Variants in C14orf39 observed in about 807,000 individuals in gnomAD.
C14orf39 encodes protein SIX6OS1.
In C14orf39, 66 loss-of-function variants were observed where a neutral mutation model predicts 85.6. That is an observed-to-expected ratio of 0.77 (90% CI 0.63 to 0.95). The LOEUF (loss-of-function observed/expected upper bound fraction) is 0.95. C14orf39 is among the 40% of genes least tolerant of loss of function. The pLI is 0.00. For missense variants in C14orf39, 735 were observed against 663.9 expected, an observed-to-expected ratio of 1.11 and a Z score of -1.18; for synonymous variants, 242 against 214.0, an observed-to-expected ratio of 1.13 and a Z score of -1.14.
At chr14:60,502,086 A>G (rs1956555) in intron 1 of C14orf39, among the ~76,000 whole-genome samples, 125,900 of 152,184 alleles carry the variant, frequency 0.83, 53,576 homozygotes, top group Non-Finnish European at 0.92. Context: ...ATCTGCTTCT[A>G]TAAAGTTTAG....
At chr14:60,514,603 T>C (rs1893336301) in intron 1 of C14orf39, among the ~76,000 whole-genome samples, 1 of 152,082 alleles carries the variant, frequency 6.6e-6, no homozygotes, top group African/African-American at 2.4e-5. Context: ...CCAGTTTGTT[T>C]ATAAAAAATC....
chr14:60,490,653 A>G (rs966284726), upstream of C14orf39, among the ~76,000 whole-genome samples: 1 of 152,072 alleles, frequency 6.6e-6, no homozygotes, highest in Non-Finnish European at 1.5e-5. Flanking sequence ...AAAAAATTTT[A>G]AAAATGTTAC....
At chr14:60,469,998 T>TA (rs1230036312) in intron 7 of C14orf39, among the ~76,000 whole-genome samples, 1 of 138,082 alleles carries the variant, frequency 7.2e-6, no homozygotes, top group African/African-American at 2.6e-5. Context: ...TAATAAAACA[T>TA]AATTCAGGCC....
chr14:60,473,198 G>A (rs562448253), intron 5 of C14orf39, among the ~76,000 whole-genome samples: 1 of 152,278 alleles, frequency 6.6e-6, no homozygotes, highest in African/African-American at 2.4e-5. Flanking sequence ...CTGCATAAAT[G>A]TCTTCTTTTG....
chr14:60,465,741 T>G (rs1224330245), intron 11 of C14orf39, among the ~76,000 whole-genome samples: 1 of 151,982 alleles, frequency 6.6e-6, no homozygotes, highest in Non-Finnish European at 1.5e-5. Flanking sequence ...TTTCTATTAT[T>G]TTTAGGGATA....
chr14:60,451,483 A>C (rs1331909873), intron 16 of C14orf39, among the ~76,000 whole-genome samples: 1 of 152,198 alleles, frequency 6.6e-6, no homozygotes, highest in East Asian at 1.9e-4. Flanking sequence ...TGTGGCACAT[A>C]TACATCATGG....
At chr14:60,450,401 C>T (rs150455484) in intron 16 of C14orf39, among the ~76,000 whole-genome samples, 10 of 152,156 alleles carry the variant, frequency 6.6e-5, no homozygotes, top group East Asian at 3.9e-4. Context: ...AGCTGATGGT[C>T]GTGGGGGCCA....
At chr14:60,480,727 T>C (rs1347818150) in intron 4 of C14orf39, among the ~76,000 whole-genome samples, 1 of 152,062 alleles carries the variant, frequency 6.6e-6, no homozygotes, top group Non-Finnish European at 1.5e-5. Flanking sequence ...AGATGATGGA[T>C]AATGAAAGTG....
At position 60,456,977 on chromosome 14, in the gene C14orf39, G is replaced by A; in HGVS notation, c.1298C>T (p.Ala433Val). 1.2e-6 allele frequency: 2 copies of A among 1,611,062 alleles called. No homozygotes were observed. The highest frequency in any genetic ancestry group is 1.7e-6 in the Non-Finnish European group (2 of 1,178,500). ...EIPIFLGTPK[A>V]VKAPESLEKI... is the part of the protein sequence containing the mutation. ...CTCCAATGACTCAGGTGCTTTCACA[G>A]CTTTGGGAGTTCCTAAAAATATAGG... The change falls in exon 15 of 18, where the codon GCT becomes GTT. Residue 433 changes from alanine (A) to valine (V), a missense_variant. Transcript: ENST00000321731.
intron 2 of C14orf39, chr14:60,495,534 G>A (rs1002887198): frequency 1.2e-4 from 25 of 213,474 alleles, no homozygotes; most frequent in Admixed American, 6.9e-4. Flanking sequence ...ATTCATCTAT[G>A]GGGACAGGTA....
At chr14:60,481,571 A>T (rs1294842489) in intron 4 of C14orf39, among the ~76,000 whole-genome samples, 1 of 152,212 alleles carries the variant, frequency 6.6e-6, no homozygotes, top group Non-Finnish European at 1.5e-5. Flanking sequence ...ATACTACTGT[A>T]CACTCCTACA....
chr14:60,503,866 T>C (rs745445704), intron 1 of C14orf39, among the ~76,000 whole-genome samples: 1 of 152,238 alleles, frequency 6.6e-6, no homozygotes, highest in African/African-American at 2.4e-5. Flanking sequence ...CCTTTGTAAA[T>C]GCTTCAACTC....
At chr14:60,499,993 T>C (rs912073070) in intron 1 of C14orf39, among the ~76,000 whole-genome samples, 1 of 152,192 alleles carries the variant, frequency 6.6e-6, no homozygotes, top group Non-Finnish European at 1.5e-5. Flanking sequence ...AGAAGATTAA[T>C]GACCAGAGTG....
chr14:60,487,539 G>T (rs553218469), upstream of C14orf39, among the ~76,000 whole-genome samples: 6 of 151,526 alleles, frequency 4.0e-5, no homozygotes, highest in East Asian at 9.8e-4. Flanking sequence ...ACAAATGAAT[G>T]GATAGGTTGA....
chr14:60,471,763 GT>G, intron 5 of C14orf39, 24 bp from the exon 6 acceptor site: 1 of 1,363,314 alleles, frequency 7.3e-7, no homozygotes, highest in South Asian at 1.4e-5. Context: ...AAGAAATGAT[GT>G]TTATATAACA....
intron 17 of C14orf39, among the ~76,000 whole-genome samples, chr14:60,441,678 A>G (rs1890520505): frequency 6.6e-6 from 1 of 152,206 alleles, no homozygotes; most frequent in Non-Finnish European, 1.5e-5. Flanking sequence ...TTATATTAAT[A>G]TGTTGAATGA....
At chr14:60,443,976 T>C (rs1234747347) in intron 16 of C14orf39, among the ~76,000 whole-genome samples, 1 of 152,038 alleles carries the variant, frequency 6.6e-6, no homozygotes, top group Non-Finnish European at 1.5e-5. Flanking sequence ...GAAGGAAAAC[T>C]AACAAACAGA....
At chr14:60,440,264 AAT>A (rs1352273397) in intron 17 of C14orf39, among the ~76,000 whole-genome samples, 1 of 152,188 alleles carries the variant, frequency 6.6e-6, no homozygotes, top group African/African-American at 2.4e-5. Context: ...TTACGTATCT[AAT>A]AAATAGGCTT....
intron 2 of C14orf39, chr14:60,495,149 C>A: frequency 4.8e-6 from 1 of 209,598 alleles, no homozygotes; most frequent in East Asian, 1.2e-4. Context: ...AACAGTCTCT[C>A]CCGAGTGTGG....
Sources: gnomAD v4.1 joint callset for allele counts (sites outside exome capture counted in the v4.1 genomes callset) on GRCh38, gnomAD v4.1.1 for gene constraint, MANE v1.5 for transcripts, NCBI Gene and HGNC (gene_info 2026-07-23, HGNC 2026-07-21) for gene names.